HS6ST3: variants seen among roughly 807,000 people sequenced by gnomAD.
HS6ST3 encodes the protein heparan sulfate 6-O-sulfotransferase 3, also known as heparan-sulfate 6-O-sulfotransferase 3.
HS6ST3 carries 12 observed loss-of-function variants against 36.7 expected under a neutral mutation model. The ratio of observed to expected loss-of-function variants is 0.33; its 90% confidence interval spans 0.21 to 0.53. HS6ST3 has a LOEUF of 0.53. Among genes scored for constraint, HS6ST3 ranks in the 20% least tolerant of loss-of-function variants. The probability of loss-of-function intolerance (pLI) is 0.95; values close to 1 mark genes in which losing one functional copy is unlikely to be tolerated. For synonymous variants in HS6ST3, 240 were observed against 257.5 expected (o/e 0.93, Z 0.65); for missense variants, 584 against 640.9 (o/e 0.91, Z 0.96).
At chr13:96,185,450 C>T (rs2054260669) in intron 1 of HS6ST3, among the ~76,000 whole-genome samples, 1 of 152,204 alleles carries the variant, frequency 6.6e-6, no homozygotes, top group Non-Finnish European at 1.5e-5. Context: ...CAGGGTGAGG[C>T]CCCAGCCAAG....
chr13:96,359,771 G>C (rs1310551532), intron 1 of HS6ST3, among the ~76,000 whole-genome samples: 2 of 152,186 alleles, frequency 1.3e-5, no homozygotes. Context: ...AAAAACTTCA[G>C]ATTTGGCCTT....
At chr13:96,754,026 C>T (rs1876764868) in intron 1 of HS6ST3, among the ~76,000 whole-genome samples, 1 of 152,062 alleles carries the variant, frequency 6.6e-6, no homozygotes, top group East Asian at 1.9e-4. Flanking sequence ...ACCATGTTGG[C>T]CAGGCTGATC....
chr13:96,723,376 G>A (rs1875902544), intron 1 of HS6ST3, among the ~76,000 whole-genome samples: 1 of 152,128 alleles, frequency 6.6e-6, no homozygotes, highest in Non-Finnish European at 1.5e-5. Context: ...ATGATGTAGT[G>A]ATGAGCAGAA....
At chr13:96,469,140 C>T (rs1451042030) in intron 1 of HS6ST3, among the ~76,000 whole-genome samples, 1 of 152,084 alleles carries the variant, frequency 6.6e-6, no homozygotes, top group Non-Finnish European at 1.5e-5. Context: ...TTTTCTTTAG[C>T]AGCTGGAGGT....
chr13:96,286,281 T>A (rs1389899371), intron 1 of HS6ST3, among the ~76,000 whole-genome samples: 1 of 152,178 alleles, frequency 6.6e-6, no homozygotes, highest in Non-Finnish European at 1.5e-5. Flanking sequence ...CTTTAACGAT[T>A]TGATTCTTAA....
At chr13:96,379,299 C>T (rs536790461) in intron 1 of HS6ST3, among the ~76,000 whole-genome samples, 1 of 152,134 alleles carries the variant, frequency 6.6e-6, no homozygotes, top group African/African-American at 2.4e-5. Flanking sequence ...AGAGGTGGGG[C>T]CTTTGGGAGA....
intron 1 of HS6ST3, among the ~76,000 whole-genome samples, chr13:96,141,452 G>C (rs507330): frequency 0.87 from 132,175 of 152,010 alleles, 57,634 homozygotes; most frequent in East Asian, 0.91. Flanking sequence ...CTCCTGGGCT[G>C]AAGTGATCCT....
intron 1 of HS6ST3, among the ~76,000 whole-genome samples, chr13:96,574,867 C>A (rs1566401168): frequency 6.6e-6 from 1 of 152,192 alleles, no homozygotes; most frequent in Non-Finnish European, 1.5e-5. Flanking sequence ...AACACACACA[C>A]ACCCCTGCAG....
intron 1 of HS6ST3, among the ~76,000 whole-genome samples, chr13:96,517,818 A>G (rs3848010): frequency 0.95 from 144,325 of 152,142 alleles, 68,816 homozygotes; most frequent in Non-Finnish European, 1. Flanking sequence ...AGTTCTCATC[A>G]TTTAGCTCCC....
intron 1 of HS6ST3, among the ~76,000 whole-genome samples, chr13:96,719,126 TAGC>T (rs1875780291): frequency 6.6e-6 from 1 of 152,024 alleles, no homozygotes; most frequent in Admixed American, 6.6e-5. Context: ...TACAAAAAAT[TAGC>T]AGGGTATGGT....
intron 1 of HS6ST3, among the ~76,000 whole-genome samples, chr13:96,601,709 T>C (rs144382177): frequency 6.6e-6 from 1 of 152,286 alleles, no homozygotes; most frequent in East Asian, 1.9e-4. Flanking sequence ...GAGAATTATT[T>C]TTCTGGTTAC....
chr13:96,716,364 G>T (rs919694789), intron 1 of HS6ST3, among the ~76,000 whole-genome samples: 3 of 152,050 alleles, frequency 2.0e-5, no homozygotes, highest in Admixed American at 6.5e-5. Context: ...AAATAGCAAA[G>T]AATTTTTTAA....
chr13:96,344,593 C>T (rs1186481409), intron 1 of HS6ST3, among the ~76,000 whole-genome samples: 1 of 152,186 alleles, frequency 6.6e-6, no homozygotes, highest in African/African-American at 2.4e-5. Flanking sequence ...GGGCATATTG[C>T]ATTTTGGTGT....
chr13:96,201,779 A>G (rs2054343231), intron 1 of HS6ST3, among the ~76,000 whole-genome samples: 2 of 152,232 alleles, frequency 1.3e-5, no homozygotes, highest in Admixed American at 6.5e-5. Context: ...TAAGAGTAGC[A>G]CAGTTTCATT....
chr13:96,349,698 T>C (rs1378381175), intron 1 of HS6ST3, among the ~76,000 whole-genome samples: 1 of 152,198 alleles, frequency 6.6e-6, no homozygotes, highest in Non-Finnish European at 1.5e-5. Flanking sequence ...AAATTTAAAC[T>C]GCTTTGTTCA....
chr13:96,567,606 C>G (rs1049303980), intron 1 of HS6ST3, among the ~76,000 whole-genome samples: 5 of 151,960 alleles, frequency 3.3e-5, no homozygotes, highest in African/African-American at 1.2e-4. Context: ...TCTTAAGACA[C>G]AAAAACACAA....
intron 1 of HS6ST3, among the ~76,000 whole-genome samples, chr13:96,776,143 G>A (rs903604000): frequency 6.6e-6 from 1 of 152,090 alleles, no homozygotes; most frequent in Non-Finnish European, 1.5e-5. Flanking sequence ...TGAAACCAAC[G>A]AGAACAAAGA....
At chr13:96,132,715 T>A (rs1255729355) in intron 1 of HS6ST3, among the ~76,000 whole-genome samples, 1 of 152,162 alleles carries the variant, frequency 6.6e-6, no homozygotes, top group African/African-American at 2.4e-5. Context: ...AGCTAATGGC[T>A]GTATTAATTT....
At chr13:96,531,442 A>C (rs1049734772) in intron 1 of HS6ST3, among the ~76,000 whole-genome samples, 1 of 152,228 alleles carries the variant, frequency 6.6e-6, no homozygotes, top group African/African-American at 2.4e-5. Flanking sequence ...CTCAAAGTTT[A>C]GTAGAGTGTA....
Sources: gnomAD v4.1 joint callset for allele counts (sites outside exome capture counted in the v4.1 genomes callset) on GRCh38, gnomAD v4.1.1 for gene constraint, MANE v1.5 for transcripts, NCBI Gene and HGNC (gene_info 2026-07-23, HGNC 2026-07-21) for gene names.